RBBP4: variants seen among roughly 807,000 people sequenced by gnomAD.
RBBP4 encodes RB binding protein 4, chromatin remodeling factor.
A neutral mutation model predicts 57.2 loss-of-function variants in RBBP4; 3 were observed. The ratio of observed to expected loss-of-function variants is 0.05; its 90% CI spans 0.02 to 0.14. The LOEUF (loss-of-function observed/expected upper bound fraction) is 0.14, where lower values mean the gene tolerates loss of function less well. Among genes scored for constraint, RBBP4 ranks in the 10% least tolerant of loss-of-function variants. The pLI is 1.00. For missense variants in RBBP4, 107 were observed against 520.6 expected, an observed-to-expected ratio of 0.21 and a Z score of 7.73; for synonymous variants, 151 against 171.5, an observed-to-expected ratio of 0.88 and a Z score of 0.93.
At chr1:32,673,581 G>GCA in intron 11 of RBBP4, 1 of 324,534 alleles carries the variant, frequency 3.1e-6, no homozygotes. Context: ...GGGACTATAG[G>GCA]TGCGTACCAC....
At chr1:32,657,050 T>C (rs1570837008) in intron 2 of RBBP4, among the ~76,000 whole-genome samples, 1 of 151,928 alleles carries the variant, frequency 6.6e-6, no homozygotes, top group African/African-American at 2.4e-5. Context: ...CTGAGGTGGG[T>C]GGATAATTTG....
intron 2 of RBBP4, among the ~76,000 whole-genome samples, chr1:32,653,196 TATCAG>T (rs1355309607): frequency 1.3e-5 from 2 of 152,114 alleles, no homozygotes; most frequent in African/African-American, 4.8e-5. Context: ...CAGATAAAAT[TATCAG>T]AGGAAGGAAA....
Position 32,683,788 on chromosome 1 carries a change from A to G in RBBP4, c.*4083A>G, listed in dbSNP as rs920355054. Reference sequence around the variant, plus strand: ...GCTGGGATTATAAGTGCCTGCCACTATGCCCGGCTAATTTTTGTATTTTTA... The same window carrying G: ...GCTGGGATTATAAGTGCCTGCCACTGTGCCCGGCTAATTTTTGTATTTTTA... On this transcript the variant is annotated 3_prime_UTR_variant, in exon 12 of 12. Coordinates refer to ENST00000373493, the MANE Select transcript of RBBP4 (RefSeq NM_005610.3). The G allele has an allele frequency of 2.0e-6, 1 of 489,316 alleles. No individual in the cohort carries two copies. The highest frequency in any genetic ancestry group is 2.0e-5 in the African/African-American group (1 of 51,032). 30.3% of individuals were successfully genotyped at this position (489,316 alleles called of 1,614,324 possible).
chr1:32,682,077 C>T lies in RBBP4; in HGVS notation c.*2372C>T. ...TTTTCTCTGCTAGGTTAACTTCTTA[C>T]AGGTATAATTACAATGCCTGAAATT... On this transcript the variant is annotated 3_prime_UTR_variant, in exon 12 of 12. Transcript: ENST00000373493. 1 of 543,626 alleles carries T rather than the reference C, an allele frequency of 1.8e-6. No individual in the cohort carries two copies. The highest frequency in any genetic ancestry group is 3.3e-6 in the Non-Finnish European group (1 of 305,648). 33.7% of individuals were successfully genotyped at this position (543,626 alleles called of 1,614,324 possible).
At chr1:32,657,294 A>C (rs1307068601) in intron 2 of RBBP4, 133 bp from the exon 3 acceptor site, 3 of 838,126 alleles carry the variant, frequency 3.6e-6, no homozygotes, top group Non-Finnish European at 5.5e-6. Flanking sequence ...GAAAGAAAGA[A>C]AAGACCCTTA....
intron 3 of RBBP4, among the ~76,000 whole-genome samples, chr1:32,667,176 C>T (rs1164951747): frequency 6.6e-6 from 1 of 152,178 alleles, no homozygotes; most frequent in Non-Finnish European, 1.5e-5. Flanking sequence ...TAAACCCCTC[C>T]TTGTGGTGCT....
chr1:32,685,015 T>TTTC lies in RBBP4; in HGVS notation c.*5316_*5318dup, dbSNP rs34609133. 16,747 of 152,068 alleles carry TTTC rather than the reference T, an allele frequency of 0.11. 1,712 individuals are homozygous for TTTC. Among genetic ancestry groups the TTTC allele is most frequent in the African/African-American group, 0.26 (10,699 of 41,372 alleles). The allele number at this position is 152,068 out of a possible 1,614,324, so 9.4% of individuals were successfully genotyped here. A position where few individuals can be genotyped will look rare whatever the true frequency, so the allele number is the denominator to read the frequency against. On this transcript the variant is annotated 3_prime_UTR_variant, in exon 12 of 12. Coordinates refer to ENST00000373493, the MANE Select transcript of RBBP4 (RefSeq NM_005610.3). ...CTATTGCTAATTTCCTGCATCCTTTTTTCTTCTTTATTTTTGTATAGAGAC... is the reference window on the plus strand; with the variant it reads ...CTATTGCTAATTTCCTGCATCCTTTTTTCTTCTTCTTTATTTTTGTATAGAGAC...
intron 2 of RBBP4, among the ~76,000 whole-genome samples, chr1:32,654,170 C>A (rs754959882): frequency 3.1e-4 from 47 of 151,928 alleles, no homozygotes; most frequent in Non-Finnish European, 5.9e-4. Context: ...GCCAGGAGTT[C>A]CAGACCAGCC....
rs1649659576 is a variant in RBBP4 at position 32,684,272 on chromosome 1, C to T, written c.*4567C>T. 1 of 1,614,078 alleles carries T rather than the reference C, an allele frequency of 6.2e-7. No homozygotes were observed. ...CAGAAACTGACTTATAAGTAGAGAGCTCTTCAGCAAGACTGAGCCTTAGCT... is the reference window on the plus strand; with the variant it reads ...CAGAAACTGACTTATAAGTAGAGAGTTCTTCAGCAAGACTGAGCCTTAGCT... On this transcript the variant is annotated 3_prime_UTR_variant, in exon 12 of 12. Coordinates refer to ENST00000373493, the MANE Select transcript of RBBP4 (RefSeq NM_005610.3).
chr1:32,651,477 G>A, intron 1 of RBBP4, 155 bp downstream of exon 1: 1 of 1,365,894 alleles, frequency 7.3e-7, no homozygotes. Context: ...GCGTGCTAAC[G>A]GCTCGCCAGT....
intron 2 of RBBP4, among the ~76,000 whole-genome samples, chr1:32,653,265 AGAG>A (rs1417273630): frequency 6.6e-6 from 1 of 152,054 alleles, no homozygotes; most frequent in African/African-American, 2.4e-5. Context: ...CAAAAAACAA[AGAG>A]GAGGGTAAAT....
rs878971886 is a variant in RBBP4, at chr1:32,680,338, GTT to G, written c.*643_*644del. The G allele has an allele frequency of 7.2e-5, 59 of 821,464 alleles. No homozygotes were observed. Among genetic ancestry groups the G allele is most frequent in the East Asian group, 2.4e-4 (4 of 16,884 alleles). The allele number at this position is 821,464 out of a possible 1,614,324, so 50.9% of individuals were successfully genotyped here. ...GTTTATTTCCTGTCTGTGAAATGGT[GTT>G]TTTTTTTTTGTTGTTGGTTTTTTTT... On this transcript the variant is annotated 3_prime_UTR_variant, in exon 12 of 12. Transcript: ENST00000373493.
At position 32,681,979 on chromosome 1, in the gene RBBP4, T is replaced by C; in HGVS notation, c.*2274T>C. ...TGGATGATCAGGGATGACTTTCCCC[T>C]AGCAAATATTTGGATGCCTCCTGTT... On this transcript the variant is annotated 3_prime_UTR_variant, in exon 12 of 12. Coordinates refer to ENST00000373493, the MANE Select transcript of RBBP4 (RefSeq NM_005610.3). 2.3e-6 allele frequency: 2 copies of C among 881,712 alleles called. No individual in the cohort carries two copies. Among genetic ancestry groups the C allele is most frequent in the South Asian group, 1.6e-5 (1 of 64,402 alleles). The allele number at this position is 881,712 out of a possible 1,614,324, so 54.6% of individuals were successfully genotyped here.
chr1:32,667,968 C>G (rs1648726236), intron 3 of RBBP4, among the ~76,000 whole-genome samples: 1 of 152,100 alleles, frequency 6.6e-6, no homozygotes, highest in Admixed American at 6.6e-5. Flanking sequence ...TGAATATTTT[C>G]AATTAATGGC....
intron 3 of RBBP4, among the ~76,000 whole-genome samples, chr1:32,659,233 C>T (rs1219127573): frequency 6.6e-6 from 1 of 150,970 alleles, no homozygotes; most frequent in East Asian, 1.9e-4. Context: ...ATTTTACACA[C>T]AATGTAAAAA....
chr1:32,675,508 G>A (rs978819710), intron 11 of RBBP4, among the ~76,000 whole-genome samples: 4 of 151,164 alleles, frequency 2.6e-5, no homozygotes, highest in Non-Finnish European at 4.4e-5. Context: ...GGTGGCTCAC[G>A]CCTGTACTCC....
chr1:32,678,566 GCTTTTTTTTTTTTT>G (rs1649223205), intron 11 of RBBP4, among the ~76,000 whole-genome samples: 1 of 102,716 alleles, frequency 9.7e-6, no homozygotes, highest in Non-Finnish European at 1.8e-5. Flanking sequence ...GTATGTGACA[GCTTTTTTTTTTTTT>G]TTTTTTTTTT....
intron 8 of RBBP4, 111 bp from the exon 9 acceptor site, chr1:32,672,339 C>G: frequency 1.1e-4 from 94 of 832,956 alleles, no homozygotes; most frequent in Middle Eastern, 7.2e-4. Flanking sequence ...AATACCTTGA[C>G]TTCCTCTTCC....
intron 11 of RBBP4, among the ~76,000 whole-genome samples, chr1:32,677,625 C>G (rs1241692584): frequency 6.6e-6 from 1 of 152,058 alleles, no homozygotes; most frequent in Non-Finnish European, 1.5e-5. Flanking sequence ...GTGCAGGTAG[C>G]CTGGGACCAG....
Sources: allele counts gnomAD v4.1 joint callset (sites outside exome capture counted in the v4.1 genomes callset), GRCh38; gene constraint gnomAD v4.1.1; transcripts MANE v1.5; gene names NCBI Gene and HGNC (gene_info 2026-07-23, HGNC 2026-07-21).